ZFAND6: variants seen among roughly 807,000 people sequenced by gnomAD.
ZFAND6 encodes AN1-type zinc finger protein 6.
A neutral mutation model predicts 24.5 loss-of-function variants in ZFAND6; 12 were observed. The ratio of observed to expected loss-of-function variants is 0.49; its 90% CI spans 0.31 to 0.79. The LOEUF is 0.79. ZFAND6 is among the 30% of genes least tolerant of loss of function. The pLI, the probability that ZFAND6 is intolerant of heterozygous loss-of-function variation, is 0.04. For synonymous variants in ZFAND6, 92 were observed against 81.5 expected (o/e 1.13, Z -0.69); for missense variants, 207 against 245.9 (o/e 0.84, Z 1.06).
rs930095330 is a variant in ZFAND6, at chr15:80,064,988, C to G, written c.-181+5179C>G. On this transcript the variant is annotated intron_variant, in intron 1 of 6. Coordinates refer to ENST00000261749, the MANE Select transcript of ZFAND6 (RefSeq NM_019006.4). ...TAACAGTGTTGTCTTTTCTCTTGCT[C>G]TCTCTCTCTCCCCCTTTTTTTTTTT... Among the ~76,000 whole-genome samples the G allele has an allele frequency of 4.5e-5, 6 of 132,850 alleles. No individual in the cohort carries two copies. In the East Asian group the frequency reaches 1.2e-3, roughly 27 times the overall value. 87.2% of individuals were successfully genotyped at this position (132,850 alleles called of 152,430 possible). A position where few individuals can be genotyped will look rare whatever the true frequency, so the allele number is the denominator to read the frequency against.
chr15:80,094,309 C>T (rs2038575389), intron 1 of ZFAND6, among the ~76,000 whole-genome samples: 1 of 152,152 alleles, frequency 6.6e-6, no homozygotes, highest in Non-Finnish European at 1.5e-5. Flanking sequence ...ACCACTTGAG[C>T]TCCGCCTCCT....
chr15:80,127,267 T>C (rs531840241), intron 5 of ZFAND6, among the ~76,000 whole-genome samples: 5 of 152,008 alleles, frequency 3.3e-5, no homozygotes, highest in East Asian at 1.9e-4. Context: ...AGAAAAGATA[T>C]ACAAGTTTCC....
At chr15:80,079,051 A>G (rs986328072) in intron 1 of ZFAND6, among the ~76,000 whole-genome samples, 3 of 53,134 alleles carry the variant, frequency 5.6e-5, no homozygotes, top group Non-Finnish European at 7.9e-5. Context: ...CCGCCACCCC[A>G]CAACAGTCCC....
intron 2 of ZFAND6, among the ~76,000 whole-genome samples, chr15:80,108,139 G>T (rs945352094): frequency 6.6e-6 from 1 of 152,172 alleles, no homozygotes; most frequent in African/African-American, 2.4e-5. Flanking sequence ...TTCTATATAA[G>T]TATTGCTCAG....
At chr15:80,133,261 C>T (rs967269903) in intron 6 of ZFAND6, among the ~76,000 whole-genome samples, 50 of 151,212 alleles carry the variant, frequency 3.3e-4, no homozygotes, top group African/African-American at 1.1e-3. Flanking sequence ...GGCACTATCT[C>T]GGCTCACTGT....
intron 1 of ZFAND6, among the ~76,000 whole-genome samples, chr15:80,085,693 A>G (rs1029952825): frequency 1.3e-5 from 2 of 152,078 alleles, no homozygotes; most frequent in African/African-American, 4.8e-5. Flanking sequence ...AATTTTTTTA[A>G]TGGGGATCAT....
At chr15:80,121,575 TAATG>T (rs908888241) in intron 3 of ZFAND6, 133 bp from the exon 4 acceptor site, 28 of 552,260 alleles carry the variant, frequency 5.1e-5, no homozygotes, top group African/African-American at 4.7e-4. Flanking sequence ...TTTTTAAAAA[TAATG>T]AACCAACATA....
chr15:80,066,580 T>C (rs1481784844), intron 1 of ZFAND6, among the ~76,000 whole-genome samples: 3 of 152,054 alleles, frequency 2.0e-5, no homozygotes, highest in Non-Finnish European at 4.4e-5. Flanking sequence ...CCCAAAGTGC[T>C]GGGATTACAG....
intron 2 of ZFAND6, among the ~76,000 whole-genome samples, chr15:80,119,662 A>G (rs994918993): frequency 2.0e-5 from 3 of 151,918 alleles, no homozygotes; most frequent in Non-Finnish European, 4.4e-5. Flanking sequence ...CACATCCCTT[A>G]TATTTTATTA....
chr15:80,123,668 T>C (rs1248712938), intron 5 of ZFAND6, among the ~76,000 whole-genome samples: 2 of 152,192 alleles, frequency 1.3e-5, no homozygotes. Flanking sequence ...CTTGAGAGGC[T>C]AAGGCAGGAG....
chr15:80,119,645 T>C (rs1055279014), intron 2 of ZFAND6, among the ~76,000 whole-genome samples: 6 of 152,324 alleles, frequency 3.9e-5, no homozygotes, highest in East Asian at 1.9e-4. Context: ...TAAATAACGC[T>C]GTGAAGCACA....
At chr15:80,110,442 A>G (rs908294470) in intron 2 of ZFAND6, among the ~76,000 whole-genome samples, 7 of 152,242 alleles carry the variant, frequency 4.6e-5, no homozygotes, top group African/African-American at 1.7e-4. Context: ...TGAGAGATAT[A>G]CAGTAGTATT....
chr15:80,091,521 AAG>A (rs1265703907), intron 1 of ZFAND6, among the ~76,000 whole-genome samples: 1 of 152,224 alleles, frequency 6.6e-6, no homozygotes, highest in Admixed American at 6.5e-5. Context: ...GAAAACTAAA[AAG>A]TGAACTATTT....
chr15:80,076,707 T>TGTAC (rs528998989), intron 1 of ZFAND6, among the ~76,000 whole-genome samples: 5,907 of 152,260 alleles, frequency 0.039, 150 homozygotes, highest in Non-Finnish European at 0.053. Flanking sequence ...TAGCATACTT[T>TGTAC]AAAACTGAGG....
chr15:80,075,086 G>A (rs1037894139), intron 1 of ZFAND6: 2 of 154,128 alleles, frequency 1.3e-5, no homozygotes, highest in African/African-American at 2.4e-5. Flanking sequence ...GCTGATGCTG[G>A]TATGTTTGTC....
chr15:80,102,331 A>C (rs2039080539), intron 2 of ZFAND6, among the ~76,000 whole-genome samples: 1 of 149,462 alleles, frequency 6.7e-6, no homozygotes, highest in Admixed American at 6.7e-5. Context: ...CTGGTCTCGA[A>C]CTCCTGACCT....
intron 1 of ZFAND6, among the ~76,000 whole-genome samples, chr15:80,095,611 G>C (rs772402847): frequency 6.6e-6 from 1 of 152,060 alleles, no homozygotes; most frequent in Non-Finnish European, 1.5e-5. Flanking sequence ...TATTTAACCG[G>C]GTTTAGGTAT....
chr15:80,120,644 A>G, intron 3 of ZFAND6, 146 bp downstream of exon 3: 1 of 610,376 alleles, frequency 1.6e-6, no homozygotes, highest in Non-Finnish European at 2.4e-6. Flanking sequence ...CATTGTGATT[A>G]TAATCAGTAG....
chr15:80,129,104 G>A (rs911298925), intron 5 of ZFAND6, among the ~76,000 whole-genome samples: 1 of 152,150 alleles, frequency 6.6e-6, no homozygotes, highest in African/African-American at 2.4e-5. Context: ...GAGTCCATAT[G>A]CATAGCCAGA....
Sources: allele counts gnomAD v4.1 joint callset (sites outside exome capture counted in the v4.1 genomes callset), GRCh38; gene constraint gnomAD v4.1.1; transcripts MANE v1.5; gene names NCBI Gene and HGNC (gene_info 2026-07-23, HGNC 2026-07-21).